The following IRF4 variants were observed in gnomAD, a reference collection of about 807,000 sequenced individuals.
IRF4 encodes interferon regulatory factor 4.
In IRF4, 13 loss-of-function variants were observed where a neutral mutation model predicts 55.5. That is an observed-to-expected ratio of 0.23 (90% CI 0.15 to 0.37). The LOEUF is 0.37. IRF4 is among the 10% of genes least tolerant of loss of function. The pLI, the probability that IRF4 is intolerant of heterozygous loss-of-function variation, is 1.00. For missense variants in IRF4, 397 were observed against 593.8 expected, an observed-to-expected ratio of 0.67 and a Z score of 3.44; for synonymous variants, 249 against 240.7, an observed-to-expected ratio of 1.03 and a Z score of -0.32.
chr6:394,397 G>C (rs1209398322), intron 2 of IRF4, among the ~76,000 whole-genome samples: 3 of 152,198 alleles, frequency 2.0e-5, no homozygotes, highest in African/African-American at 4.8e-5. Flanking sequence ...TTTACGTTCT[G>C]AGCAACGGTG....
chr6:401,390 C>T, intron 6 of IRF4, 34 bp from the exon 7 acceptor site: 1 of 1,555,180 alleles, frequency 6.4e-7, no homozygotes, highest in South Asian at 1.1e-5. Flanking sequence ...TGTCCTTGGC[C>T]CCCAGCACTG....
At position 393,096 on chromosome 6, in the gene IRF4, A is replaced by G. The variant is rs780320975; in HGVS notation, c.-55-2A>G. The G allele has an allele frequency of 6.9e-7, 1 of 1,451,132 alleles. No individual in the cohort carries two copies. The highest frequency in any genetic ancestry group is 1.4e-5 in the African/African-American group (1 of 70,802). The allele number at this position is 1,451,132 out of a possible 1,614,324, so 89.9% of individuals were successfully genotyped here. ...GCTGAAGGGCAGCTCTTCTCCCCGC[A>G]GTGCAGAGCAGAGCGGGCGGAGGAC... is the stretch of plus-strand genomic sequence containing the variant. On this transcript the variant is annotated splice_acceptor_variant, in intron 1 of 8. Transcript: ENST00000380956. LOFTEE classifies it low-confidence loss of function (5UTR_SPLICE). The surrounding 1 kb of genome is among the most constrained non-coding windows in gnomAD (Gnocchi z 5.4).
rs1761175092 is a variant in IRF4, at chr6:393,486, C to A, written c.216+118C>A. 5.8e-6 allele frequency: 4 copies of A among 695,620 alleles called. No homozygotes were observed. In the South Asian group the frequency reaches 1.7e-4, roughly 30 times the overall value. 43.1% of individuals were successfully genotyped at this position (695,620 alleles called of 1,614,324 possible). ...GGACCGCGCGGGGCGGACGGGCGGG[C>A]GGCGGAGGCATCAGGTGGCGTCGCC... On this transcript the variant is annotated intron_variant, in intron 2 of 8. Transcript: ENST00000380956. The surrounding 1 kb of genome is among the most constrained non-coding windows in gnomAD (Gnocchi z 5.4).
Position 410,991 on chromosome 6 carries a change from G to A in IRF4, c.*3393G>A, listed in dbSNP as rs1761687114. ...TAGCCTGTTACAGGAATGAAGTAAA[G>A]GTCAGTTTTTTTTTGTATTGATTTT... On this transcript the variant is annotated 3_prime_UTR_variant, in exon 9 of 9. Coordinates refer to ENST00000380956, the MANE Select transcript of IRF4 (RefSeq NM_002460.4). 7.2e-6 allele frequency: 1 copy of A among 138,228 alleles called. No homozygotes were observed. Among genetic ancestry groups the A allele is most frequent in the Non-Finnish European group, 1.3e-5 (1 of 74,910 alleles). 8.6% of individuals were successfully genotyped at this position (138,228 alleles called of 1,614,324 possible).
At chr6:394,674 G>A in intron 2 of IRF4, 147 bp from the exon 3 acceptor site, 1 of 743,280 alleles carries the variant, frequency 1.3e-6, no homozygotes, top group Non-Finnish European at 2.2e-6. Context: ...GAGGACCCTA[G>A]AACTCAGGAG....
intron 8 of IRF4, among the ~76,000 whole-genome samples, chr6:405,406 A>C (rs1466994242): frequency 1.3e-5 from 2 of 152,162 alleles, no homozygotes; most frequent in Non-Finnish European, 2.9e-5. Flanking sequence ...TTTTTCAGGA[A>C]AGTTGTCGTA....
rs1761184635 is a variant in IRF4 at position 393,760 on chromosome 6, G to A, written c.216+392G>A. Among the ~76,000 whole-genome samples the A allele has an allele frequency of 6.6e-6, 1 of 152,184 alleles. No individual in the cohort carries two copies. Among genetic ancestry groups the A allele is most frequent in the Admixed American group, 6.5e-5 (1 of 15,274 alleles). ...CGTGGGTCCCCCTCGCCCTCTCCGT[G>A]CGTCCGCGCCTGTGCCGGCGGCTGT... On this transcript the variant is annotated intron_variant, in intron 2 of 8. Coordinates refer to ENST00000380956, the MANE Select transcript of IRF4 (RefSeq NM_002460.4). This position sits in a 1 kb window ranked among gnomAD's most constrained non-coding sequence, Gnocchi z 5.4.
In IRF4 at chr6:395,297, A is replaced by C. The variant is rs553940070; in HGVS notation, c.403+290A>C. On this transcript the variant is annotated intron_variant, in intron 3 of 8. Coordinates refer to ENST00000380956, the MANE Select transcript of IRF4 (RefSeq NM_002460.4). ...TAGTCTTTCAAAAAAAAAAAGAAAA[A>C]AGAAAACTGGATAACTTGTTAAAAT... is the stretch of plus-strand genomic sequence containing the variant. Among the ~76,000 whole-genome samples the C allele has an allele frequency of 3.3e-5, 5 of 152,274 alleles. 1 individual carries two copies. The South Asian group carries it at 1.0e-3, about 32-fold the overall frequency.
intron 4 of IRF4, 24 bp downstream of exon 4, chr6:395,959 C>T (rs781044692): frequency 6.3e-7 from 1 of 1,582,892 alleles, no homozygotes. Flanking sequence ...CACTGGGCTC[C>T]CTGAGGGCGA....
chr6:406,628 C>G, intron 8 of IRF4: 1 of 207,912 alleles, frequency 4.8e-6, no homozygotes, highest in South Asian at 7.5e-5. Context: ...AAGTCACTGT[C>G]CTCTAAGTCA....
intron 8 of IRF4, among the ~76,000 whole-genome samples, chr6:405,740 CTG>C (rs1278561893): frequency 6.6e-6 from 1 of 152,194 alleles, no homozygotes; most frequent in African/African-American, 2.4e-5. Flanking sequence ...ATGGGTTCAA[CTG>C]TGGCAAGTAA....
In IRF4 at chr6:407,713, A is replaced by T; in HGVS notation, c.*115A>T. On this transcript the variant is annotated 3_prime_UTR_variant, in exon 9 of 9. Transcript: ENST00000380956. Reference sequence around the variant, plus strand: ...GAGTGCAGTGACACAATCTCAGCTCACTGTGACCTCCGCCTCCTGGGTTCA... The same window carrying T: ...GAGTGCAGTGACACAATCTCAGCTCTCTGTGACCTCCGCCTCCTGGGTTCA... 4 of 961,158 alleles carry T rather than the reference A, an allele frequency of 4.2e-6. No individual in the cohort carries two copies. Among genetic ancestry groups the T allele is most frequent in the Non-Finnish European group, 1.5e-6 (1 of 657,612 alleles). 59.5% of individuals were successfully genotyped at this position (961,158 alleles called of 1,614,324 possible).
At chr6:395,035 C>A (rs776385367) in intron 3 of IRF4, 28 bp downstream of exon 3, 8 of 1,538,200 alleles carry the variant, frequency 5.2e-6, no homozygotes, top group Middle Eastern at 1.7e-4. Context: ...TTTGGGTCAC[C>A]TAACAGAGGC....
chr6:391,885 C>T (rs1561708355), intron 1 of IRF4, 76 bp downstream of exon 1: 2 of 452,798 alleles, frequency 4.4e-6, no homozygotes, highest in Non-Finnish European at 4.4e-6. Flanking sequence ...ACCAGAGGTT[C>T]GACCTCCAGG....
chr6:392,337 G>C (rs1329363860), intron 1 of IRF4, among the ~76,000 whole-genome samples: 1 of 152,184 alleles, frequency 6.6e-6, no homozygotes, highest in East Asian at 1.9e-4. Context: ...CGGTGGCCTA[G>C]CCGGCCTGGC....
chr6:396,753 A>G (rs76594705), intron 4 of IRF4, among the ~76,000 whole-genome samples: 17 of 66,536 alleles, frequency 2.6e-4, no homozygotes, highest in South Asian at 1.5e-3. Flanking sequence ...CCCCCGTCTC[A>G]ATGCCAGTGC....
chr6:395,983 A>G, intron 4 of IRF4, 48 bp downstream of exon 4: 1 of 1,443,278 alleles, frequency 6.9e-7, no homozygotes. Flanking sequence ...TGTGTGGGCC[A>G]GCTGCCCACA....
intron 3 of IRF4, 101 bp downstream of exon 3, chr6:395,108 TTGCCTGCC>T: frequency 2.2e-6 from 2 of 916,140 alleles, no homozygotes; most frequent in Non-Finnish European, 3.2e-6. Flanking sequence ...TCCTTTTGTA[TTGCCTGCC>T]TGCCTGCCTT....
chr6:400,581 G>A (rs1378524701), intron 6 of IRF4, among the ~76,000 whole-genome samples: 3 of 151,850 alleles, frequency 2.0e-5, no homozygotes, highest in Non-Finnish European at 4.4e-5. Flanking sequence ...AATTAATTTT[G>A]TGATAAAAAC....
Sources: gnomAD v4.1 joint callset for allele counts (sites outside exome capture counted in the v4.1 genomes callset) on GRCh38, gnomAD v4.1.1 for gene constraint, Gnocchi (gnomAD v3.1) non-coding constraint, MANE v1.5 for transcripts, NCBI Gene and HGNC (gene_info 2026-07-23, HGNC 2026-07-21) for gene names.